CEP112: variants seen among roughly 807,000 people sequenced by gnomAD.
CEP112 encodes the protein centrosomal protein of 112 kDa.
CEP112 carries 127 observed loss-of-function variants against 153.0 expected under a neutral mutation model. That is an observed-to-expected ratio of 0.83 (90% confidence interval 0.72 to 0.96). CEP112 has a LOEUF of 0.96. Ranked by LOEUF, CEP112 falls within the 40% of genes least tolerant of loss-of-function variation. The pLI, the probability that CEP112 is intolerant of heterozygous loss-of-function variation, is 0.00. For missense variants in CEP112, 1,089 were observed against 1,101.2 expected (o/e 0.99, Z 0.16); for synonymous variants, 358 against 374.4 (o/e 0.96, Z 0.51).
At chr17:66,166,504 CAT>C (rs1192557067) in intron 4 of CEP112, among the ~76,000 whole-genome samples, 1 of 152,132 alleles carries the variant, frequency 6.6e-6, no homozygotes, top group East Asian at 1.9e-4. Context: ...AGCTTCAAAA[CAT>C]TTTTCACAGA....
chr17:65,760,536 C>T (rs972676329), intron 21 of CEP112, among the ~76,000 whole-genome samples: 2 of 151,926 alleles, frequency 1.3e-5, no homozygotes, highest in Non-Finnish European at 2.9e-5. Context: ...CACACAGATG[C>T]GATTGATTAC....
Position 65,961,432 on chromosome 17 carries a change from T to G in CEP112, c.1872+31A>C, listed in dbSNP as rs897098771. The G allele has an allele frequency of 1.0e-5, 16 of 1,556,466 alleles. 1 individual carries two copies. Among genetic ancestry groups the G allele is most frequent in the Non-Finnish European group, 2.6e-6 (3 of 1,140,662 alleles). ...GTACCTTCCTACTGAGAGAGTGACT[T>G]TCAAAAGGGATGGTGTGGCAGCCTC... On this transcript the variant is annotated intron_variant, in intron 18 of 26. Coordinates refer to ENST00000535342, the MANE Select transcript of CEP112 (RefSeq NM_001199165.4).
chr17:65,951,688 A>G (rs2061831992), intron 18 of CEP112, among the ~76,000 whole-genome samples: 1 of 150,292 alleles, frequency 6.7e-6, no homozygotes, highest in Non-Finnish European at 1.5e-5. Context: ...TGGCTTCATT[A>G]ATTTTCCATA....
At chr17:65,699,909 G>A (rs754611405) in intron 23 of CEP112, among the ~76,000 whole-genome samples, 5 of 152,292 alleles carry the variant, frequency 3.3e-5, no homozygotes, top group Middle Eastern at 3.4e-3. Flanking sequence ...TATGAGACTT[G>A]TTCTCTGCAA....
At chr17:65,646,755 T>A (rs1367534004) in intron 24 of CEP112, among the ~76,000 whole-genome samples, 1 of 152,132 alleles carries the variant, frequency 6.6e-6, no homozygotes, top group African/African-American at 2.4e-5. Context: ...CAGAGACACG[T>A]GGGTTAGAGG....
At chr17:66,156,737 C>T (rs955627829) in intron 4 of CEP112, among the ~76,000 whole-genome samples, 4 of 151,862 alleles carry the variant, frequency 2.6e-5, no homozygotes, top group African/African-American at 4.8e-5. Context: ...GTGAAGCATA[C>T]GCAAGTATCA....
chr17:65,657,019 C>T (rs568559995), intron 24 of CEP112, among the ~76,000 whole-genome samples: 5 of 152,286 alleles, frequency 3.3e-5, no homozygotes, highest in Admixed American at 3.3e-4. Flanking sequence ...AGGCTGGCTT[C>T]AAAGCTGAGA....
At chr17:66,053,106 CA>C (rs1291587459) in intron 12 of CEP112, among the ~76,000 whole-genome samples, 3 of 16,244 alleles carry the variant, frequency 1.8e-4, no homozygotes, top group Admixed American at 2.0e-3. Context: ...GACCCTGTCT[CA>C]AAGGAAAAAA....
rs535606142 is a variant in CEP112, at chr17:65,956,405, T to TACACACACACACAC, written c.1872+5057_1872+5058insGTGTGTGTGTGTGT. ...AGAAATTATGATATATATACATACA[T>TACACACACACACAC]ACATACACACACACACACACACACA... On this transcript the variant is annotated intron_variant, in intron 18 of 26. Coordinates refer to ENST00000535342, the MANE Select transcript of CEP112 (RefSeq NM_001199165.4). Among the ~76,000 whole-genome samples, 770 of 144,986 alleles carry TACACACACACACAC rather than the reference T, an allele frequency of 5.3e-3. 2 individuals carry two copies. The highest frequency in any genetic ancestry group is 0.019 in the East Asian group (90 of 4,738).
Position 65,640,080 on chromosome 17 carries a change from T to C in CEP112, c.2799+884A>G, listed in dbSNP as rs865884394. Among the ~76,000 whole-genome samples the C allele has an allele frequency of 1.3e-5, 2 of 149,164 alleles. 1 individual carries two copies. The highest frequency in any genetic ancestry group is 4.2e-4 in the South Asian group (2 of 4,774). Reference sequence around the variant, plus strand: ...CTCAAATTCCTGATCTCAGGTGATCTGCCCGCTGTGGCCTCCCAAAGTGCT... The same window carrying C: ...CTCAAATTCCTGATCTCAGGTGATCCGCCCGCTGTGGCCTCCCAAAGTGCT... On this transcript the variant is annotated intron_variant, in intron 25 of 26. Coordinates refer to ENST00000535342, the MANE Select transcript of CEP112 (RefSeq NM_001199165.4).
chr17:65,994,105 T>C (rs923439655), intron 17 of CEP112, among the ~76,000 whole-genome samples: 1 of 151,910 alleles, frequency 6.6e-6, no homozygotes, highest in African/African-American at 2.4e-5. Context: ...CTCCAGTTCA[T>C]GGCCAATACG....
chr17:66,097,242 G>T, intron 6 of CEP112, among the ~76,000 whole-genome samples: 1 of 152,120 alleles, frequency 6.6e-6, no homozygotes, highest in Non-Finnish European at 1.5e-5. Flanking sequence ...CCATGTCTGA[G>T]TCTTTGCAAC....
chr17:66,007,957 A>AT (rs1299865643), intron 16 of CEP112, among the ~76,000 whole-genome samples: 1 of 151,878 alleles, frequency 6.6e-6, no homozygotes, highest in Non-Finnish European at 1.5e-5. Flanking sequence ...CTGTTTCCTA[A>AT]TTTTTTATGT....
At chr17:66,091,046 T>C (rs1477308320) in intron 8 of CEP112, among the ~76,000 whole-genome samples, 1 of 151,918 alleles carries the variant, frequency 6.6e-6, no homozygotes, top group Non-Finnish European at 1.5e-5. Flanking sequence ...CAAATATTCA[T>C]AGATATAAAA....
At chr17:65,689,000 T>G (rs186412087) in intron 24 of CEP112, 129 bp downstream of exon 24, 179 of 618,832 alleles carry the variant, frequency 2.9e-4, no homozygotes, top group African/African-American at 2.8e-3. Flanking sequence ...ACTCCTAACT[T>G]CAGGTGATCC....
At chr17:65,894,183 A>G (rs993210317) in intron 20 of CEP112, among the ~76,000 whole-genome samples, 2 of 152,164 alleles carry the variant, frequency 1.3e-5, no homozygotes, top group African/African-American at 4.8e-5. Flanking sequence ...TATGCTAAAA[A>G]TAACTCAAGG....
chr17:66,023,471 A>G (rs1267940774), intron 16 of CEP112, among the ~76,000 whole-genome samples: 1 of 152,214 alleles, frequency 6.6e-6, no homozygotes, highest in East Asian at 1.9e-4. Context: ...TGACATAACA[A>G]GCTTCATAAA....
At chr17:65,937,566 TG>T (rs1292646500) in intron 18 of CEP112, among the ~76,000 whole-genome samples, 2,342 of 40,480 alleles carry the variant, frequency 0.058, 227 homozygotes, top group African/African-American at 0.13. Flanking sequence ...GGGAGGGAGG[TG>T]GGGGGGGTCA....
chr17:65,999,028 T>C (rs1303689763), intron 17 of CEP112, among the ~76,000 whole-genome samples: 2 of 152,176 alleles, frequency 1.3e-5, no homozygotes, highest in African/African-American at 4.8e-5. Context: ...CCACGTTTGT[T>C]ATATTTTAAT....
Sources: gnomAD v4.1 joint callset for allele counts (sites outside exome capture counted in the v4.1 genomes callset) on GRCh38, gnomAD v4.1.1 for gene constraint, MANE v1.5 for transcripts, NCBI Gene and HGNC (gene_info 2026-07-23, HGNC 2026-07-21) for gene names.